SLCO6A1: variants seen among roughly 807,000 people sequenced by gnomAD.
SLCO6A1 encodes the protein solute carrier organic anion transporter family member 6A1.
Under a neutral mutation model 72.7 loss-of-function variants are expected in SLCO6A1, and 65 were observed. That is an observed-to-expected ratio of 0.89 (90% CI 0.73 to 1.10). The LOEUF is 1.10. Ranked by LOEUF, SLCO6A1 falls within the 50% of genes least tolerant of loss-of-function variation. The pLI, the probability that SLCO6A1 is intolerant of heterozygous loss-of-function variation, is 0.00. For missense variants in SLCO6A1, 874 were observed against 872.6 expected, an observed-to-expected ratio of 1.00 and a Z score of -0.02; for synonymous variants, 314 against 298.2, an observed-to-expected ratio of 1.05 and a Z score of -0.55.
intron 9 of SLCO6A1, among the ~76,000 whole-genome samples, chr5:102,411,662 C>T (rs1747990652): frequency 6.6e-6 from 1 of 151,490 alleles, no homozygotes; most frequent in Admixed American, 6.6e-5. Flanking sequence ...GCCCTTCAAA[C>T]CATAAATTCT....
At position 102,448,234 on chromosome 5, in the gene SLCO6A1, G is replaced by A. The variant is rs570468966; in HGVS notation, c.1132-9473C>T. On this transcript the variant is annotated intron_variant, in intron 6 of 13. Transcript: ENST00000506729. The stretch of plus-strand genomic sequence containing the variant: ...ATTTTTATTGCACTGTTGTTTGAGA[G>A]TGCAGTTGGTATGATTTCATTTTAT... Among the ~76,000 whole-genome samples the A allele has an allele frequency of 2.0e-5, 3 of 152,270 alleles. No individual in the cohort carries two copies. The East Asian group carries it at 5.8e-4, about 29-fold the overall frequency.
chr5:102,461,168 G>A (rs114426509), intron 4 of SLCO6A1, among the ~76,000 whole-genome samples: 1,775 of 151,314 alleles, frequency 0.012, 34 homozygotes, highest in African/African-American at 0.04. Flanking sequence ...CTATCAATTG[G>A]GAAAAACAAT....
chr5:102,431,683 G>T (rs560748044), intron 7 of SLCO6A1, among the ~76,000 whole-genome samples: 1 of 152,152 alleles, frequency 6.6e-6, no homozygotes, highest in Non-Finnish European at 1.5e-5. Context: ...TGTGCCATGT[G>T]GCAATGAGAA....
chr5:102,445,998 T>G (rs989168295), intron 6 of SLCO6A1, among the ~76,000 whole-genome samples: 1 of 152,188 alleles, frequency 6.6e-6, no homozygotes, highest in Non-Finnish European at 1.5e-5. Flanking sequence ...GGTAGTGGCA[T>G]CCTCCAGCTT....
intron 1 of SLCO6A1, among the ~76,000 whole-genome samples, chr5:102,490,669 T>C (rs1752632453): frequency 6.6e-6 from 1 of 152,140 alleles, no homozygotes; most frequent in Non-Finnish European, 1.5e-5. Flanking sequence ...GGGTTCGTGG[T>C]CTCCCTGGCT....
intron 9 of SLCO6A1, among the ~76,000 whole-genome samples, chr5:102,406,662 T>C (rs1309281452): frequency 6.6e-6 from 1 of 152,128 alleles, no homozygotes; most frequent in African/African-American, 2.4e-5. Context: ...AAAATAGTTA[T>C]GATTAATGTG....
chr5:102,381,209 C>T (rs1253279004), intron 12 of SLCO6A1, among the ~76,000 whole-genome samples: 1 of 151,610 alleles, frequency 6.6e-6, no homozygotes, highest in Non-Finnish European at 1.5e-5. Flanking sequence ...ATTTTATATC[C>T]TTTGACCAAT....
intron 7 of SLCO6A1, among the ~76,000 whole-genome samples, chr5:102,427,668 G>A (rs915976423): frequency 1.3e-5 from 2 of 151,374 alleles, no homozygotes; most frequent in Non-Finnish European, 2.9e-5. Flanking sequence ...ACAGAAAAAG[G>A]ACATTAGGTA....
chr5:102,423,295 G>C (rs928175965), intron 7 of SLCO6A1, among the ~76,000 whole-genome samples: 2 of 152,078 alleles, frequency 1.3e-5, no homozygotes, highest in Non-Finnish European at 2.9e-5. Flanking sequence ...AATGTAAATA[G>C]GCTAAATACC....
chr5:102,392,075 C>T (rs1194349850), intron 10 of SLCO6A1, among the ~76,000 whole-genome samples: 1 of 151,902 alleles, frequency 6.6e-6, no homozygotes, highest in African/African-American at 2.4e-5. Flanking sequence ...CCTTCAAACT[C>T]GAACAATAAA....
chr5:102,374,038 CT>C (rs11352231), intron 12 of SLCO6A1, among the ~76,000 whole-genome samples: 44,133 of 144,478 alleles, frequency 0.31, 5,954 homozygotes, highest in African/African-American at 0.33. Flanking sequence ...TAAATTAATT[CT>C]TTTTTTTTTT....
At chr5:102,389,136 T>C (rs973082090) in intron 11 of SLCO6A1, among the ~76,000 whole-genome samples, 6 of 152,154 alleles carry the variant, frequency 3.9e-5, no homozygotes, top group African/African-American at 1.4e-4. Context: ...TAGGAGAAAG[T>C]ACTTAAAACA....
At chr5:102,376,865 C>A (rs1745825704) in intron 12 of SLCO6A1, among the ~76,000 whole-genome samples, 1 of 152,086 alleles carries the variant, frequency 6.6e-6, no homozygotes, top group Admixed American at 6.6e-5. Context: ...ACTATGAAAA[C>A]ATTTGTACAA....
chr5:102,433,973 G>A (rs553807292), intron 7 of SLCO6A1, among the ~76,000 whole-genome samples: 37 of 152,004 alleles, frequency 2.4e-4, no homozygotes, highest in Admixed American at 5.2e-4. Context: ...TGTATCTTTC[G>A]TCTATCCTTT....
intron 4 of SLCO6A1, 105 bp from the exon 5 acceptor site, chr5:102,459,882 G>C: frequency 1.1e-6 from 1 of 945,784 alleles, no homozygotes; most frequent in Non-Finnish European, 1.5e-6. Flanking sequence ...AGGGAGGGTT[G>C]GAGAGTGAGA....
intron 10 of SLCO6A1, 90 bp downstream of exon 10, chr5:102,399,465 T>C (rs987596368): frequency 3.5e-6 from 3 of 863,212 alleles, no homozygotes; most frequent in East Asian, 6.5e-5. Context: ...AAACACAGAG[T>C]AAATTATTTG....
chr5:102,396,533 A>G (rs1393008716), intron 10 of SLCO6A1, among the ~76,000 whole-genome samples: 4 of 152,180 alleles, frequency 2.6e-5, no homozygotes, highest in African/African-American at 9.7e-5. Context: ...TTATCATGTT[A>G]AAATTATAAA....
At chr5:102,481,986 C>G (rs374170337) in intron 1 of SLCO6A1, among the ~76,000 whole-genome samples, 2 of 152,102 alleles carry the variant, frequency 1.3e-5, no homozygotes, top group East Asian at 3.9e-4. Flanking sequence ...TTCAGCAGAC[C>G]AATACCAGCA....
intron 4 of SLCO6A1, among the ~76,000 whole-genome samples, chr5:102,468,213 C>G (rs4703230): frequency 0.65 from 98,375 of 151,926 alleles, 32,054 homozygotes; most frequent in African/African-American, 0.67. Flanking sequence ...ATATGCTTTC[C>G]ATTGTCTTAA....
Sources: gnomAD v4.1 joint callset for allele counts (sites outside exome capture counted in the v4.1 genomes callset) on GRCh38, gnomAD v4.1.1 for gene constraint, MANE v1.5 for transcripts, NCBI Gene and HGNC (gene_info 2026-07-23, HGNC 2026-07-21) for gene names.